The following COPG2 variants were observed in gnomAD, a reference collection of about 807,000 sequenced individuals.
COPG2 encodes coatomer subunit gamma-2.
A neutral mutation model predicts 46.3 loss-of-function variants in COPG2; 37 were observed. That is an observed-to-expected ratio of 0.80 (90% confidence interval 0.61 to 1.05). COPG2 has a LOEUF of 1.05. Ranked by LOEUF, COPG2 falls within the 50% of genes least tolerant of loss-of-function variation. The pLI is 0.00. For missense variants in COPG2, 427 were observed against 387.8 expected (o/e 1.10, Z -0.85); for synonymous variants, 159 against 129.7 (o/e 1.23, Z -1.53).
At chr7:130,612,123 G>A (rs1331762618) in intron 8 of COPG2, 29 bp downstream of exon 8, 2 of 1,486,102 alleles carry the variant, frequency 1.3e-6, no homozygotes, top group East Asian at 2.3e-5. Flanking sequence ...CTGATCCTGA[G>A]ACAAGCTAAT....
intron 20 of COPG2, among the ~76,000 whole-genome samples, chr7:130,546,451 G>T: frequency 6.6e-6 from 1 of 152,320 alleles, no homozygotes; most frequent in Middle Eastern, 3.4e-3. Flanking sequence ...GGTAATTAAA[G>T]GTTAAAGCCA....
chr7:130,523,243 G>T (rs1799740897), intron 20 of COPG2, among the ~76,000 whole-genome samples: 1 of 151,686 alleles, frequency 6.6e-6, no homozygotes, highest in Admixed American at 6.6e-5. Flanking sequence ...TGGGGGGTGG[G>T]TTTCACCCGA....
At chr7:130,642,760 C>T (rs1244799524) in intron 5 of COPG2, among the ~76,000 whole-genome samples, 2 of 152,204 alleles carry the variant, frequency 1.3e-5, no homozygotes, top group African/African-American at 2.4e-5. Flanking sequence ...CAGTAGCTCA[C>T]GCCTGTAAGC....
At chr7:130,621,945 A>G (rs1554453666) in intron 5 of COPG2, among the ~76,000 whole-genome samples, 2 of 63,968 alleles carry the variant, frequency 3.1e-5, no homozygotes, top group Non-Finnish European at 6.0e-5. Flanking sequence ...CTCCATCTCA[A>G]AAAAAAAAAA....
Position 130,563,362 on chromosome 7 carries a change from T to C in COPG2, c.872-26A>G, listed in dbSNP as rs1034776979. 900 of 396,646 alleles carry C rather than the reference T, an allele frequency of 2.3e-3. 8 individuals carry two copies. The highest frequency in any genetic ancestry group is 0.017 in the African/African-American group (820 of 48,578). The allele number at this position is 396,646 out of a possible 1,614,324, so 24.6% of individuals were successfully genotyped here. On this transcript the variant is annotated intron_variant, in intron 10 of 23. Coordinates refer to ENST00000425248, the MANE Select transcript of COPG2 (RefSeq NM_012133.6). The stretch of plus-strand genomic sequence containing the variant: ...CTAAAAAAAAATAATAATAATAATA[T>C]GTAACATTAAGTAATATTACATATA...
intron 5 of COPG2, among the ~76,000 whole-genome samples, chr7:130,649,006 T>C (rs1248622149): frequency 6.6e-6 from 1 of 152,328 alleles, no homozygotes; most frequent in South Asian, 2.1e-4. Flanking sequence ...GCTGCTGACG[T>C]AGAATTCTCA....
At chr7:130,602,918 A>C (rs1390274740) in intron 9 of COPG2, 1 of 152,042 alleles carries the variant, frequency 6.6e-6, no homozygotes, top group Non-Finnish European at 1.5e-5. Context: ...ATAAACTAAT[A>C]CCACCTTCTA....
intron 20 of COPG2, chr7:130,508,878 G>C (rs1799548195): frequency 1.8e-6 from 1 of 570,366 alleles, no homozygotes; most frequent in Admixed American, 3.0e-5. Context: ...GGTTACAGCA[G>C]TACAGAAATG....
Position 130,643,072 on chromosome 7 carries a change from G to A in COPG2, c.323+9797C>T, listed in dbSNP as rs555091133. Among the ~76,000 whole-genome samples the A allele has an allele frequency of 1.3e-4, 20 of 151,200 alleles. No individual in the cohort carries two copies. In the South Asian group the frequency reaches 2.9e-3, roughly 22 times the overall value. Reference sequence around the variant, plus strand: ...AGCACTTTGGGAGGCCGAGGCGGGCGGATCATGAGGTCAGGAGATCGAGAC... The same window carrying A: ...AGCACTTTGGGAGGCCGAGGCGGGCAGATCATGAGGTCAGGAGATCGAGAC... On this transcript the variant is annotated intron_variant, in intron 5 of 23. Coordinates refer to ENST00000425248, the MANE Select transcript of COPG2 (RefSeq NM_012133.6).
intron 5 of COPG2, among the ~76,000 whole-genome samples, chr7:130,648,010 G>GT (rs1242591740): frequency 2.0e-5 from 3 of 152,072 alleles, no homozygotes; most frequent in African/African-American, 7.2e-5. Flanking sequence ...GATTACACGC[G>GT]TGAGCCACCG....
chr7:130,611,280 T>C (rs1554452055), intron 8 of COPG2, among the ~76,000 whole-genome samples, 170 bp from the exon 9 acceptor site: 2 of 152,178 alleles, frequency 1.3e-5, no homozygotes, highest in Non-Finnish European at 2.9e-5. Flanking sequence ...CTGAAAAGAT[T>C]AAACGTTTCT....
At chr7:130,604,753 C>A (rs1554450974) in intron 9 of COPG2, 1 of 513,238 alleles carries the variant, frequency 1.9e-6, no homozygotes, top group African/African-American at 1.9e-5. Context: ...CATTCACAAT[C>A]TCTAGGGGAA....
At chr7:130,586,566 C>G (rs1218059771) in intron 9 of COPG2, among the ~76,000 whole-genome samples, 1 of 151,966 alleles carries the variant, frequency 6.6e-6, no homozygotes, top group African/African-American at 2.4e-5. Context: ...GGGTTCATGC[C>G]ACTCTCCTGC....
chr7:130,577,844 C>CCTA (rs1172164023), intron 9 of COPG2, among the ~76,000 whole-genome samples: 3 of 151,516 alleles, frequency 2.0e-5, no homozygotes, highest in Admixed American at 6.6e-5. Flanking sequence ...CTCGGAGGGT[C>CCTA]CTACGCCCAC....
chr7:130,583,423 C>G (rs1794195168), intron 9 of COPG2, among the ~76,000 whole-genome samples: 1 of 144,922 alleles, frequency 6.9e-6, no homozygotes, highest in Non-Finnish European at 1.5e-5. Flanking sequence ...GTGCAGTGCA[C>G]CAGCATGGCA....
rs1799488123 is a variant in COPG2 at position 130,506,500 on chromosome 7, A to C, written c.*176T>G. 2.3e-6 allele frequency: 1 copy of C among 427,964 alleles called. No homozygotes were observed. The allele number at this position is 427,964 out of a possible 1,614,324, so 26.5% of individuals were successfully genotyped here. On this transcript the variant is annotated 3_prime_UTR_variant, in exon 24 of 24. Transcript: ENST00000425248. The stretch of plus-strand genomic sequence containing the variant: ...AGAATAAAAAGAAAAAAAAAAAAAA[A>C]CAACCCATGCGCAAAGATAGACATT...
chr7:130,547,455 A>C, intron 20 of COPG2: 1 of 383,826 alleles, frequency 2.6e-6, no homozygotes, highest in Non-Finnish European at 4.6e-6. Flanking sequence ...GTGTTCAGCA[A>C]ATTTTACTCA....
chr7:130,508,167 T>G (rs1302578769), intron 21 of COPG2: 1 of 255,302 alleles, frequency 3.9e-6, no homozygotes, highest in Non-Finnish European at 7.4e-6. Context: ...CTGTGAAGGC[T>G]TTTTAATCCA....
At chr7:130,641,833 T>G (rs1795495792) in intron 5 of COPG2, among the ~76,000 whole-genome samples, 1 of 152,086 alleles carries the variant, frequency 6.6e-6, no homozygotes, top group Admixed American at 6.5e-5. Flanking sequence ...ACAAAGTATC[T>G]TTCTCCCCCT....
Sources: allele counts gnomAD v4.1 joint callset (sites outside exome capture counted in the v4.1 genomes callset), GRCh38; gene constraint gnomAD v4.1.1; transcripts MANE v1.5; gene names NCBI Gene and HGNC (gene_info 2026-07-23, HGNC 2026-07-21).